GRIP1: variants seen among roughly 807,000 people sequenced by gnomAD.
The protein encoded by GRIP1 is glutamate receptor-interacting protein 1.
Under a neutral mutation model 129.9 loss-of-function variants are expected in GRIP1, and 45 were observed. The ratio of observed to expected loss-of-function variants is 0.35; its 90% CI spans 0.27 to 0.44. The LOEUF is 0.44. GRIP1 is among the 20% of genes least tolerant of loss of function. The pLI is 1.00. For synonymous variants in GRIP1, 530 were observed against 520.8 expected, an observed-to-expected ratio of 1.02 and a Z score of -0.24; for missense variants, 1,196 against 1,396.8, an observed-to-expected ratio of 0.86 and a Z score of 2.29.
At chr12:66,371,597 T>C in intron 23 of GRIP1, 97 bp downstream of exon 23, 3 of 819,314 alleles carry the variant, frequency 3.7e-6, no homozygotes, top group Non-Finnish European at 6.6e-6. Flanking sequence ...GCTGAGCCCA[T>C]AGGAGGATAC....
At chr12:66,630,891 G>T (rs2030699524) in intron 1 of GRIP1, among the ~76,000 whole-genome samples, 1 of 152,046 alleles carries the variant, frequency 6.6e-6, no homozygotes. Flanking sequence ...ACGTTTGTTG[G>T]CTATATTTAT....
rs1027957397 is a variant in GRIP1, at chr12:67,058,124, C to T, written c.58+10926G>A. On this transcript the variant is annotated intron_variant, in intron 1 of 1. Transcript: ENST00000643019. ...AAATATCAGACATCAGAAGATATGA[C>T]GGAAGGAAACCATTCACAGATTATA... Among the ~76,000 whole-genome samples, 12 of 152,112 alleles carry T rather than the reference C, an allele frequency of 7.9e-5. 1 individual carries two copies. The East Asian group carries it at 1.2e-3, about 15-fold the overall frequency.
intron 1 of GRIP1, among the ~76,000 whole-genome samples, chr12:66,664,418 T>C (rs2033682952): frequency 6.6e-6 from 1 of 152,214 alleles, no homozygotes; most frequent in African/African-American, 2.4e-5. Context: ...TCATAGTATA[T>C]ATTCCTTCTA....
At chr12:66,355,932 T>G (rs2054468342) in intron 23 of GRIP1, among the ~76,000 whole-genome samples, 1 of 152,014 alleles carries the variant, frequency 6.6e-6, no homozygotes, top group Non-Finnish European at 1.5e-5. Flanking sequence ...CTAAGAGAGA[T>G]TTAATTCTGG....
intron 1 of GRIP1, among the ~76,000 whole-genome samples, chr12:66,755,683 T>C (rs146579361): frequency 4.6e-5 from 7 of 152,306 alleles, no homozygotes; most frequent in African/African-American, 1.7e-4. Context: ...CTGAAGTTTC[T>C]GGATTCTCTG....
At chr12:67,009,208 C>T (rs1030645828) in intron 1 of GRIP1, among the ~76,000 whole-genome samples, 10 of 151,962 alleles carry the variant, frequency 6.6e-5, no homozygotes, top group Non-Finnish European at 7.4e-5. Flanking sequence ...CCCTGGGAAT[C>T]AAGCAAAAAA....
rs565646326 is a variant in GRIP1, at chr12:66,933,100, A to T, written c.58+135950T>A. On this transcript the variant is annotated intron_variant, in intron 1 of 1. Coordinates refer to the GRIP1 transcript ENST00000643019. ...GCCTTTAGCCTAATTTTTCTTCTGG[A>T]TACTGGACTTACTGGCTGAGCATAA... Among the ~76,000 whole-genome samples, 19 of 152,292 alleles carry T rather than the reference A, an allele frequency of 1.2e-4. No homozygotes were observed. In the South Asian group the frequency reaches 3.9e-3, roughly 32 times the overall value.
chr12:66,808,021 G>C (rs900167336), upstream of GRIP1, among the ~76,000 whole-genome samples: 2 of 151,402 alleles, frequency 1.3e-5, no homozygotes, highest in African/African-American at 2.4e-5. Flanking sequence ...TTGCTTAACA[G>C]TTAGCTATTA....
At chr12:66,355,915 G>A (rs1291114743) in intron 23 of GRIP1, among the ~76,000 whole-genome samples, 1 of 152,188 alleles carries the variant, frequency 6.6e-6, no homozygotes, top group East Asian at 1.9e-4. Context: ...GAGAAAGAGA[G>A]TGTGAACTAA....
chr12:66,625,558 T>C (rs1393561615), intron 1 of GRIP1, among the ~76,000 whole-genome samples: 1 of 152,196 alleles, frequency 6.6e-6, no homozygotes, highest in Non-Finnish European at 1.5e-5. Flanking sequence ...GATTTTTTAT[T>C]GTAATTGCTT....
intron 1 of GRIP1, among the ~76,000 whole-genome samples, chr12:66,893,525 A>C (rs561322985): frequency 6.6e-6 from 1 of 152,318 alleles, no homozygotes; most frequent in East Asian, 1.9e-4. Flanking sequence ...GGTGTGAGCC[A>C]CTGCACAAGG....
At chr12:66,804,985 T>C (rs2038960255), upstream of GRIP1, among the ~76,000 whole-genome samples, 1 of 152,178 alleles carries the variant, frequency 6.6e-6, no homozygotes, top group Non-Finnish European at 1.5e-5. Flanking sequence ...CAATCACTGT[T>C]TGATTTAAAT....
intron 2 of GRIP1, among the ~76,000 whole-genome samples, chr12:66,545,354 A>C (rs1286283694): frequency 6.6e-6 from 1 of 152,212 alleles, no homozygotes; most frequent in Non-Finnish European, 1.5e-5. Flanking sequence ...TGGCAAACAC[A>C]AGAGAATTAT....
chr12:66,394,031 C>A (rs2056696990), intron 17 of GRIP1, among the ~76,000 whole-genome samples, 177 bp downstream of exon 17: 1 of 152,076 alleles, frequency 6.6e-6, no homozygotes, highest in South Asian at 2.1e-4. Context: ...TGTAAGATGC[C>A]CCTCAGAGTC....
intron 11 of GRIP1, among the ~76,000 whole-genome samples, chr12:66,454,815 A>G (rs1300944990): frequency 6.6e-6 from 1 of 152,204 alleles, no homozygotes; most frequent in Non-Finnish European, 1.5e-5. Flanking sequence ...TGTATGTTAG[A>G]TCACTGATTA....
At chr12:66,908,905 C>T (rs1268096757) in intron 1 of GRIP1, among the ~76,000 whole-genome samples, 1 of 152,270 alleles carries the variant, frequency 6.6e-6, no homozygotes, top group South Asian at 2.1e-4. Context: ...CAAATGAAGC[C>T]TGCATTGCCA....
chr12:66,545,084 C>G (rs2139253847), intron 2 of GRIP1, among the ~76,000 whole-genome samples: 1 of 152,162 alleles, frequency 6.6e-6, no homozygotes, highest in East Asian at 1.9e-4. Context: ...AATTAGCAAG[C>G]AGCACAGGCA....
intron 16 of GRIP1, among the ~76,000 whole-genome samples, chr12:66,399,788 T>C (rs1241347948): frequency 6.6e-6 from 1 of 151,974 alleles, no homozygotes; most frequent in Non-Finnish European, 1.5e-5. Flanking sequence ...AGAGAGCCTT[T>C]GGAAGGCGTA....
At chr12:66,925,168 A>G (rs2041276503) in intron 1 of GRIP1, among the ~76,000 whole-genome samples, 1 of 152,164 alleles carries the variant, frequency 6.6e-6, no homozygotes, top group East Asian at 1.9e-4. Flanking sequence ...AGTTTTAAGA[A>G]ACAACACGAA....
Sources: gnomAD v4.1 joint callset for allele counts (sites outside exome capture counted in the v4.1 genomes callset) on GRCh38, gnomAD v4.1.1 for gene constraint, MANE v1.5 for transcripts, NCBI Gene and HGNC (gene_info 2026-07-23, HGNC 2026-07-21) for gene names.